Variants in OXSR1 observed in about 807,000 individuals in gnomAD.
OXSR1 encodes the protein oxidative stress responsive kinase 1, also known as serine/threonine-protein kinase OSR1.
Under a neutral mutation model 79.8 loss-of-function variants are expected in OXSR1, and 24 were observed. The observed-to-expected ratio is 0.30, with a 90% CI of 0.22 to 0.42. The LOEUF (loss-of-function observed/expected upper bound fraction) is 0.42. OXSR1 is among the 10% of genes least tolerant of loss of function. OXSR1 has a pLI of 1.00. For synonymous variants in OXSR1, 226 were observed against 209.2 expected, an observed-to-expected ratio of 1.08 and a Z score of -0.69; for missense variants, 430 against 618.4, an observed-to-expected ratio of 0.70 and a Z score of 3.23.
chr3:38,181,764 G>A (rs530582007), intron 1 of OXSR1, among the ~76,000 whole-genome samples: 2 of 151,680 alleles, frequency 1.3e-5, no homozygotes, highest in South Asian at 2.1e-4. Context: ...CAGTACGATC[G>A]TGTGGTCATC....
intron 1 of OXSR1, among the ~76,000 whole-genome samples, chr3:38,168,561 A>G (rs1701512989): frequency 6.6e-6 from 1 of 152,232 alleles, no homozygotes; most frequent in Non-Finnish European, 1.5e-5. Flanking sequence ...TAAAATGTAC[A>G]ATTCAATAAT....
Position 38,252,395 on chromosome 3 carries a change from A to G in OXSR1, c.1509+3A>G, listed in dbSNP as rs1703276201. 1.2e-6 allele frequency: 2 copies of G among 1,603,158 alleles called. No individual in the cohort carries two copies. The highest frequency in any genetic ancestry group is 1.7e-6 in the Non-Finnish European group (2 of 1,170,240). On this transcript the variant is annotated splice_donor_region_variant and intron_variant, in intron 17 of 17. Transcript: ENST00000311806. ...ATCGATCTGTCACTTTCAAACTGGT[A>G]CTCATCCCTTCTTCCTTGTGAAAAC...
chr3:38,167,507 G>A lies in OXSR1; in HGVS notation c.70+1561G>A, dbSNP rs557630312. 7.2e-5 allele frequency among the ~76,000 whole-genome samples: 11 copies of A among 152,320 alleles called. No individual in the cohort carries two copies. In the South Asian group the frequency reaches 8.3e-4, roughly 11 times the overall value. On this transcript the variant is annotated intron_variant, in intron 1 of 17. Transcript: ENST00000311806. ...AACTGAAGACTTCCTAGCTGCCTTG[G>A]GGGTGTCAGTGTTTATTTCACTGTG... is the stretch of plus-strand genomic sequence containing the variant.
intron 2 of OXSR1, among the ~76,000 whole-genome samples, chr3:38,184,641 G>A (rs1472668011): frequency 6.6e-6 from 1 of 152,106 alleles, no homozygotes; most frequent in Non-Finnish European, 1.5e-5. Flanking sequence ...TTAAGCTGAG[G>A]CTCAAAGTTT....
At chr3:38,208,508 G>A (rs955310422) in intron 4 of OXSR1, among the ~76,000 whole-genome samples, 4 of 152,116 alleles carry the variant, frequency 2.6e-5, no homozygotes, top group East Asian at 1.9e-4. Flanking sequence ...ACTGAAGCAG[G>A]TTAGAAAATT....
At position 38,251,159 on chromosome 3, in the gene OXSR1, ATATTTGCTACCTGGTT is replaced by A. The variant is rs147335553; in HGVS notation, c.1376-240_1376-225del. On this transcript the variant is annotated intron_variant, in intron 15 of 17. Transcript: ENST00000311806. ...TTCAGTATTCAACATCATGTCTCAG[ATATTTGCTACCTGGTT>A]TATACAGATTCTGCCCTCTAGCTAG... 7.1e-3 allele frequency among the ~76,000 whole-genome samples: 1,075 copies of A among 152,240 alleles called. 16 individuals are homozygous for A. The highest frequency in any genetic ancestry group is 0.025 in the African/African-American group (1,031 of 41,560).
In OXSR1 at chr3:38,253,011, T is replaced by C; in HGVS notation, c.*120T>C. On this transcript the variant is annotated 3_prime_UTR_variant, in exon 18 of 18. Transcript: ENST00000311806. ...GCAACAAACCTCCCGGCTAGGAGCTTTAGAAGTCTTTATGTTCTTCCTGCC... is the reference window on the plus strand; with the variant it reads ...GCAACAAACCTCCCGGCTAGGAGCTCTAGAAGTCTTTATGTTCTTCCTGCC... 1 of 715,228 alleles carries C rather than the reference T, an allele frequency of 1.4e-6. No homozygotes were observed. Among genetic ancestry groups the C allele is most frequent in the East Asian group, 2.7e-5 (1 of 37,524 alleles). 44.3% of individuals were successfully genotyped at this position (715,228 alleles called of 1,614,324 possible). A position where few individuals can be genotyped will look rare whatever the true frequency, so the allele number is the denominator to read the frequency against.
At chr3:38,223,218 C>T (rs1702623136) in intron 6 of OXSR1, among the ~76,000 whole-genome samples, 1 of 152,128 alleles carries the variant, frequency 6.6e-6, no homozygotes, top group African/African-American at 2.4e-5. Context: ...TTACTGCAGC[C>T]TTGAACTCCT....
intron 1 of OXSR1, among the ~76,000 whole-genome samples, chr3:38,178,269 T>G (rs1471346658): frequency 6.6e-6 from 1 of 152,128 alleles, no homozygotes; most frequent in African/African-American, 2.4e-5. Flanking sequence ...AGTTTTTACT[T>G]AGTTTGTCAG....
At chr3:38,189,283 A>T (rs542268840) in intron 2 of OXSR1, among the ~76,000 whole-genome samples, 4 of 152,154 alleles carry the variant, frequency 2.6e-5, no homozygotes, top group African/African-American at 7.2e-5. Flanking sequence ...CAACATTAAC[A>T]TCTTTACTAC....
intron 4 of OXSR1, among the ~76,000 whole-genome samples, chr3:38,204,385 T>A (rs1702227768): frequency 6.6e-6 from 1 of 152,038 alleles, no homozygotes; most frequent in East Asian, 1.9e-4. Flanking sequence ...TACTTTTCCC[T>A]CTTCTCAAAC....
At chr3:38,231,141 G>A (rs772723323) in intron 10 of OXSR1, among the ~76,000 whole-genome samples, 4 of 152,132 alleles carry the variant, frequency 2.6e-5, no homozygotes, top group South Asian at 2.1e-4. Context: ...ATTCTCTTCC[G>A]TAGATCTCAC....
chr3:38,234,533 A>T (rs889856877), intron 10 of OXSR1, among the ~76,000 whole-genome samples: 2 of 152,268 alleles, frequency 1.3e-5, no homozygotes, highest in Non-Finnish European at 2.9e-5. Context: ...GCAAATCAAA[A>T]TAACAAAGAG....
At chr3:38,188,621 AATATAG>A (rs1053866048) in intron 2 of OXSR1, among the ~76,000 whole-genome samples, 4 of 152,182 alleles carry the variant, frequency 2.6e-5, no homozygotes, top group African/African-American at 9.7e-5. Context: ...GAAAATGTAT[AATATAG>A]TTAAACCTTT....
intron 5 of OXSR1, among the ~76,000 whole-genome samples, chr3:38,221,331 G>T (rs987966196): frequency 1.3e-5 from 2 of 151,988 alleles, no homozygotes; most frequent in Admixed American, 6.6e-5. Flanking sequence ...TGTTGCTTAG[G>T]CTGTTCTTGA....
In OXSR1 at chr3:38,200,906, C is replaced by G. The variant is rs1451578998; in HGVS notation, c.434+2043C>G. 2.6e-5 allele frequency among the ~76,000 whole-genome samples: 4 copies of G among 152,256 alleles called. No homozygotes were observed. In the Middle Eastern group the frequency reaches 0.01, roughly 388 times the overall value. On this transcript the variant is annotated intron_variant, in intron 4 of 17. Coordinates refer to ENST00000311806, the MANE Select transcript of OXSR1 (RefSeq NM_005109.3). ...TAGCAGTACATAAGAATGGTAGATT[C>G]ATTGGTCCCATGCTAGCCTTGCCTA...
chr3:38,229,544 T>C, intron 8 of OXSR1, 143 bp from the exon 9 acceptor site: 8 of 593,106 alleles, frequency 1.3e-5, no homozygotes, highest in Non-Finnish European at 2.1e-5. Context: ...TTACTTTTGC[T>C]TTTTAGCAGT....
At chr3:38,185,609 A>G (rs365537) in intron 2 of OXSR1, among the ~76,000 whole-genome samples, 1 of 151,824 alleles carries the variant, frequency 6.6e-6, no homozygotes, top group African/African-American at 2.4e-5. Context: ...GAAACGGCAC[A>G]AAACTTATAT....
rs764207699 is a variant in OXSR1 at position 38,221,697 on chromosome 3, C to CT, written c.600+17dup. 2 of 1,530,956 alleles carry CT rather than the reference C, an allele frequency of 1.3e-6. No individual in the cohort carries two copies. Among genetic ancestry groups the CT allele is most frequent in the South Asian group, 1.1e-5 (1 of 88,848 alleles). The allele number at this position is 1,530,956 out of a possible 1,614,324, so 94.8% of individuals were successfully genotyped here. On this transcript the variant is annotated intron_variant, in intron 6 of 17. Transcript: ENST00000311806. The stretch of plus-strand genomic sequence containing the variant: ...TGAAGTTATGGAACAGGTACCGTGT[C>CT]TTTTTTTCTGTTTTAAATGGGTTAG...
Sources: gnomAD v4.1 joint callset for allele counts (sites outside exome capture counted in the v4.1 genomes callset) on GRCh38, gnomAD v4.1.1 for gene constraint, MANE v1.5 for transcripts, NCBI Gene and HGNC (gene_info 2026-07-23, HGNC 2026-07-21) for gene names.